Variants in LRMDA observed in about 807,000 individuals in gnomAD.
The protein encoded by LRMDA is leucine rich melanocyte differentiation associated, also known as leucine-rich melanocyte differentiation-associated protein.
In LRMDA, 18 loss-of-function variants were observed where a neutral mutation model predicts 29.8. The observed-to-expected ratio is 0.60, with a 90% CI of 0.42 to 0.90. The LOEUF is 0.90. Ranked by LOEUF, LRMDA falls within the 40% of genes least tolerant of loss-of-function variation. The probability of loss-of-function intolerance (pLI) is 0.00; values close to 1 mark genes in which losing one functional copy is unlikely to be tolerated. For synonymous variants in LRMDA, 125 were observed against 109.4 expected (o/e 1.14, Z -0.89); for missense variants, 273 against 273.9 (o/e 1.00, Z 0.02).
chr10:76,308,296 G>A (rs1176330319), intron 5 of LRMDA, among the ~76,000 whole-genome samples: 1 of 152,164 alleles, frequency 6.6e-6, no homozygotes, highest in Non-Finnish European at 1.5e-5. Context: ...TGTATGGCAA[G>A]TGTCAACACT....
At chr10:76,342,462 C>T (rs992384629) in intron 6 of LRMDA, among the ~76,000 whole-genome samples, 2 of 151,756 alleles carry the variant, frequency 1.3e-5, no homozygotes, top group African/African-American at 4.8e-5. Context: ...ATATATTAAG[C>T]ATCTGACTCA....
intron 5 of LRMDA, among the ~76,000 whole-genome samples, chr10:76,195,381 T>G (rs559381459): frequency 6.6e-6 from 1 of 152,356 alleles, no homozygotes; most frequent in East Asian, 1.9e-4. Context: ...CTAGGCATAA[T>G]GTGCCTTTTG....
chr10:75,504,361 A>G (rs753253269), intron 2 of LRMDA, among the ~76,000 whole-genome samples: 3 of 152,130 alleles, frequency 2.0e-5, no homozygotes, highest in Non-Finnish European at 4.4e-5. Context: ...AGCTCAACAC[A>G]AGAATGTCCC....
At chr10:75,919,380 A>C (rs1365900969) in intron 2 of LRMDA, among the ~76,000 whole-genome samples, 1 of 152,328 alleles carries the variant, frequency 6.6e-6, no homozygotes, top group East Asian at 1.9e-4. Context: ...AATGTGTTTC[A>C]GCAGTGTAGA....
intron 2 of LRMDA, among the ~76,000 whole-genome samples, chr10:75,454,259 T>A (rs1844490433): frequency 6.6e-6 from 1 of 152,156 alleles, no homozygotes. Context: ...GTAATATTTT[T>A]AGGTTTTATG....
rs35897683 is a variant in LRMDA at position 75,618,777 on chromosome 10, CTT to C, written c.131+180298_131+180299del. Among the ~76,000 whole-genome samples the C allele has an allele frequency of 3.8e-3, 438 of 114,304 alleles. 1 individual carries two copies. Among genetic ancestry groups the C allele is most frequent in the Admixed American group, 5.2e-3 (58 of 11,262 alleles). 75.0% of individuals were successfully genotyped at this position (114,304 alleles called of 152,430 possible). A position where few individuals can be genotyped will look rare whatever the true frequency, so the allele number is the denominator to read the frequency against. ...CATAAGGAAGAGAAAATTATTTACTCTTTTTTTTTTTTTTTTGAGATGGAATT... is the reference window on the plus strand; with the variant it reads ...CATAAGGAAGAGAAAATTATTTACTCTTTTTTTTTTTTTTGAGATGGAATT... On this transcript the variant is annotated intron_variant, in intron 2 of 6. Coordinates refer to ENST00000611255, the MANE Select transcript of LRMDA (RefSeq NM_001305581.2).
intron 2 of LRMDA, among the ~76,000 whole-genome samples, chr10:75,518,966 G>C (rs1181807242): frequency 6.6e-5 from 10 of 152,158 alleles, no homozygotes; most frequent in Non-Finnish European, 1.0e-4. Flanking sequence ...TATTTACCCA[G>C]TAGTCATTCA....
At chr10:75,960,800 A>G (rs913173447) in intron 2 of LRMDA, among the ~76,000 whole-genome samples, 9 of 152,066 alleles carry the variant, frequency 5.9e-5, no homozygotes, top group Non-Finnish European at 1.2e-4. Flanking sequence ...TATTTTTAGT[A>G]GAGACTGGGT....
intron 6 of LRMDA, among the ~76,000 whole-genome samples, chr10:76,354,661 T>TA (rs1213682676): frequency 1.3e-5 from 2 of 152,278 alleles, no homozygotes; most frequent in African/African-American, 4.8e-5. Flanking sequence ...TTCAATCTTA[T>TA]AAAAAACCTG....
intron 2 of LRMDA, among the ~76,000 whole-genome samples, chr10:75,671,705 G>T (rs1248177678): frequency 6.6e-6 from 1 of 152,054 alleles, no homozygotes; most frequent in Non-Finnish European, 1.5e-5. Flanking sequence ...GTTGATAGGT[G>T]CAGCAAACCA....
At chr10:76,474,755 C>T (rs1842650017) in intron 6 of LRMDA, among the ~76,000 whole-genome samples, 1 of 151,550 alleles carries the variant, frequency 6.6e-6, no homozygotes, top group South Asian at 2.1e-4. Flanking sequence ...CTGGAACCCT[C>T]ATACATTGCT....
At chr10:76,276,615 C>G (rs1840138035) in intron 5 of LRMDA, among the ~76,000 whole-genome samples, 1 of 152,096 alleles carries the variant, frequency 6.6e-6, no homozygotes, top group African/African-American at 2.4e-5. Flanking sequence ...TGTTTATTTG[C>G]TAATTCCAAC....
intron 2 of LRMDA, among the ~76,000 whole-genome samples, chr10:75,980,100 C>T (rs1020448018): frequency 2.4e-4 from 37 of 152,332 alleles, no homozygotes; most frequent in Admixed American, 2.1e-3. Context: ...CATGTCCTCT[C>T]TCACTCTCAA....
chr10:75,488,498 T>C (rs1420852959), intron 2 of LRMDA, among the ~76,000 whole-genome samples: 2 of 152,206 alleles, frequency 1.3e-5, no homozygotes, highest in Non-Finnish European at 2.9e-5. Flanking sequence ...TTTCTCTAGC[T>C]TACCCTTCCC....
chr10:76,206,640 G>A (rs1448831801), intron 5 of LRMDA, among the ~76,000 whole-genome samples: 9 of 152,188 alleles, frequency 5.9e-5, no homozygotes, highest in African/African-American at 2.2e-4. Flanking sequence ...CTTCCAGGCA[G>A]CTGTGTGGGC....
chr10:76,243,246 G>A (rs951246740), intron 5 of LRMDA, among the ~76,000 whole-genome samples: 4 of 152,122 alleles, frequency 2.6e-5, no homozygotes, highest in Non-Finnish European at 5.9e-5. Flanking sequence ...TACAGAGTTC[G>A]AGGAGTCAGA....
chr10:76,285,318 T>C (rs553096153), intron 5 of LRMDA, among the ~76,000 whole-genome samples: 1 of 152,256 alleles, frequency 6.6e-6, no homozygotes, highest in East Asian at 1.9e-4. Flanking sequence ...TACTTACAGT[T>C]GTCTGCAAAC....
chr10:76,014,997 A>G lies in LRMDA; in HGVS notation c.132-21011A>G, dbSNP rs568311755. Among the ~76,000 whole-genome samples the G allele has an allele frequency of 1.7e-4, 26 of 152,314 alleles. No individual in the cohort carries two copies. The South Asian group carries it at 5.4e-3, about 32-fold the overall frequency. On this transcript the variant is annotated intron_variant, in intron 2 of 6. Coordinates refer to ENST00000611255, the MANE Select transcript of LRMDA (RefSeq NM_001305581.2). ...TATGTCTCTTCAGAATCATATATGT[A>G]AATGTAAAGCAACTGCCATTCAAAA...
chr10:76,273,614 T>C (rs907562602), intron 5 of LRMDA, among the ~76,000 whole-genome samples: 1 of 152,138 alleles, frequency 6.6e-6, no homozygotes, highest in African/African-American at 2.4e-5. Context: ...CTGATGGCAA[T>C]CTCCAAAGAA....
Sources: gnomAD v4.1 joint callset for allele counts (sites outside exome capture counted in the v4.1 genomes callset) on GRCh38, gnomAD v4.1.1 for gene constraint, MANE v1.5 for transcripts, NCBI Gene and HGNC (gene_info 2026-07-23, HGNC 2026-07-21) for gene names.